The following ST8SIA4 variants were observed in gnomAD, a reference collection of about 807,000 sequenced individuals.
ST8SIA4 encodes the protein ST8 alpha-N-acetyl-neuraminide alpha-2,8-sialyltransferase 4.
In ST8SIA4, 15 loss-of-function variants were observed where a neutral mutation model predicts 33.9. The ratio of observed to expected loss-of-function variants is 0.44; its 90% CI spans 0.30 to 0.68. The LOEUF (loss-of-function observed/expected upper bound fraction) is 0.68, where lower values mean the gene tolerates loss of function less well. ST8SIA4 is among the 30% of genes least tolerant of loss of function. The pLI is 0.10. For missense variants in ST8SIA4, 321 were observed against 428.0 expected (o/e 0.75, Z 2.21); for synonymous variants, 171 against 151.2 (o/e 1.13, Z -0.96).
intron 4 of ST8SIA4, among the ~76,000 whole-genome samples, chr5:100,842,712 T>A (rs1239634697): frequency 6.6e-6 from 1 of 151,824 alleles, no homozygotes; most frequent in Non-Finnish European, 1.5e-5. Flanking sequence ...AGGAATATGA[T>A]CATAATTTGA....
At chr5:100,881,946 T>G (rs1008537457) in intron 3 of ST8SIA4, among the ~76,000 whole-genome samples, 2 of 152,176 alleles carry the variant, frequency 1.3e-5, no homozygotes, top group African/African-American at 4.8e-5. Flanking sequence ...AACCTCTTTT[T>G]CTTCCCAGTC....
chr5:100,839,333 C>A (rs770882686), intron 4 of ST8SIA4, among the ~76,000 whole-genome samples: 4 of 151,902 alleles, frequency 2.6e-5, no homozygotes, highest in Non-Finnish European at 4.4e-5. Flanking sequence ...ATCAATTTGC[C>A]AGAAAAGATC....
At chr5:100,831,737 C>T (rs1029165645) in intron 4 of ST8SIA4, among the ~76,000 whole-genome samples, 6 of 152,118 alleles carry the variant, frequency 3.9e-5, no homozygotes, top group African/African-American at 1.2e-4. Context: ...ATGCATAGAG[C>T]TAAAATGCTC....
chr5:100,902,240 T>C (rs1752934516), intron 1 of ST8SIA4, among the ~76,000 whole-genome samples: 1 of 152,182 alleles, frequency 6.6e-6, no homozygotes, highest in Admixed American at 6.5e-5. Flanking sequence ...CAGTACCCAG[T>C]TTCTTTCTAA....
chr5:100,875,400 C>G (rs1752283711), intron 3 of ST8SIA4, among the ~76,000 whole-genome samples: 1 of 152,130 alleles, frequency 6.6e-6, no homozygotes, highest in Non-Finnish European at 1.5e-5. Context: ...AATTAGTTAT[C>G]CTGACATATC....
intron 3 of ST8SIA4, among the ~76,000 whole-genome samples, chr5:100,879,501 G>A (rs1002747119): frequency 6.6e-6 from 1 of 151,906 alleles, no homozygotes; most frequent in Non-Finnish European, 1.5e-5. Context: ...GTCTTTAAAG[G>A]AATAATATAA....
rs530242908 is a variant in ST8SIA4 at position 100,842,626 on chromosome 5, G to T, written c.797+13477C>A. ...TGAGAAACATATATTTTGGTATAAG[G>T]TTAGCTTGCCATATTGTAGATTTTA... On this transcript the variant is annotated intron_variant, in intron 4 of 4. Transcript: ENST00000231461. Among the ~76,000 whole-genome samples the T allele has an allele frequency of 1.3e-4, 19 of 151,752 alleles. 1 individual carries two copies. The South Asian group carries it at 3.3e-3, about 27-fold the overall frequency.
intron 4 of ST8SIA4, among the ~76,000 whole-genome samples, chr5:100,817,173 T>C (rs1431759032): frequency 7.6e-6 from 1 of 130,932 alleles, no homozygotes; most frequent in Non-Finnish European, 1.5e-5. Flanking sequence ...TTCACCATGT[T>C]GGCCAGGCTG....
intron 4 of ST8SIA4, among the ~76,000 whole-genome samples, chr5:100,832,743 T>C (rs1751288261): frequency 6.6e-6 from 1 of 152,132 alleles, no homozygotes; most frequent in Non-Finnish European, 1.5e-5. Context: ...CGAGGCCATC[T>C]AGAAACTTAC....
At chr5:100,862,280 C>G (rs1751962476) in intron 3 of ST8SIA4, among the ~76,000 whole-genome samples, 1 of 152,228 alleles carries the variant, frequency 6.6e-6, no homozygotes, top group Middle Eastern at 3.4e-3. Flanking sequence ...CTCAACTGTT[C>G]AGGAGAATAA....
chr5:100,824,617 G>GC (rs1751100362), intron 4 of ST8SIA4, among the ~76,000 whole-genome samples: 1 of 151,942 alleles, frequency 6.6e-6, no homozygotes, highest in Non-Finnish European at 1.5e-5. Context: ...AAGGAACTCT[G>GC]TTATATATCT....
At chr5:100,818,600 G>A (rs965111285) in intron 4 of ST8SIA4, among the ~76,000 whole-genome samples, 1 of 152,102 alleles carries the variant, frequency 6.6e-6, no homozygotes, top group African/African-American at 2.4e-5. Context: ...GAAAGCAGAA[G>A]TCTGTAACTT....
intron 3 of ST8SIA4, among the ~76,000 whole-genome samples, chr5:100,856,826 A>T (rs1027201015): frequency 1.3e-5 from 2 of 152,188 alleles, no homozygotes; most frequent in African/African-American, 4.8e-5. Flanking sequence ...CCACTTGTAA[A>T]GCTTAAGTCA....
intron 4 of ST8SIA4, among the ~76,000 whole-genome samples, chr5:100,834,308 T>C (rs546468919): frequency 6.6e-6 from 1 of 152,266 alleles, no homozygotes; most frequent in African/African-American, 2.4e-5. Flanking sequence ...AATTAGCATT[T>C]AGTAAAACTT....
At chr5:100,886,691 C>T in intron 2 of ST8SIA4, 91 bp from the exon 3 acceptor site, 3 of 1,056,630 alleles carry the variant, frequency 2.8e-6, no homozygotes, top group Non-Finnish European at 4.2e-6. Flanking sequence ...AGACAAAATA[C>T]AAATTGGCAA....
In ST8SIA4 at chr5:100,810,069, C is replaced by T. The variant is rs1334864153; in HGVS notation, c.*1778G>A. ...TGCCATTTCTTCTTTCCTCAAATTG[C>T]CTGCCCAAGAAATAAGAAATCAAAG... On this transcript the variant is annotated 3_prime_UTR_variant, in exon 5 of 5. Coordinates refer to ENST00000231461, the MANE Select transcript of ST8SIA4 (RefSeq NM_005668.6). 1 of 152,086 alleles carries T rather than the reference C, an allele frequency of 6.6e-6. No homozygotes were observed. The highest frequency in any genetic ancestry group is 1.5e-5 in the Non-Finnish European group (1 of 68,010). 9.4% of individuals were successfully genotyped at this position (152,086 alleles called of 1,614,324 possible). A position where few individuals can be genotyped will look rare whatever the true frequency, so the allele number is the denominator to read the frequency against.
chr5:100,895,826 A>G, intron 1 of ST8SIA4, 41 bp from the exon 2 acceptor site: 1 of 1,608,190 alleles, frequency 6.2e-7, no homozygotes, highest in East Asian at 2.2e-5. Context: ...AAAGTAAGAA[A>G]CATTTTGTGT....
At chr5:100,866,578 TCACACACACACACACA>T (rs141002831) in intron 3 of ST8SIA4, among the ~76,000 whole-genome samples, 1 of 146,496 alleles carries the variant, frequency 6.8e-6, no homozygotes, top group African/African-American at 2.5e-5. Context: ...CTTCTAAATT[TCACACACACACACACA>T]CACACACACA....
At chr5:100,868,511 T>C (rs865890824) in intron 3 of ST8SIA4, among the ~76,000 whole-genome samples, 4 of 152,014 alleles carry the variant, frequency 2.6e-5, no homozygotes, top group Admixed American at 1.3e-4. Flanking sequence ...AGATGGTGTT[T>C]TGTTGTTTAA....
Sources: allele counts gnomAD v4.1 joint callset (sites outside exome capture counted in the v4.1 genomes callset), GRCh38; gene constraint gnomAD v4.1.1; transcripts MANE v1.5; gene names NCBI Gene and HGNC (gene_info 2026-07-23, HGNC 2026-07-21).